The following IQGAP2 variants were observed in gnomAD, a reference collection of about 807,000 sequenced individuals.
IQGAP2 encodes IQ motif containing GTPase activating protein 2, also known as ras GTPase-activating-like protein IQGAP2.
A neutral mutation model predicts 201.3 loss-of-function variants in IQGAP2; 173 were observed. The ratio of observed to expected loss-of-function variants is 0.86; its 90% CI spans 0.76 to 0.98. The LOEUF (loss-of-function observed/expected upper bound fraction) is 0.98, where lower values mean the gene tolerates loss of function less well. Among genes scored for constraint, IQGAP2 ranks in the 50% least tolerant of loss-of-function variants. The probability of loss-of-function intolerance (pLI) is 0.00; values close to 1 mark genes in which losing one functional copy is unlikely to be tolerated. For missense variants in IQGAP2, 1,687 were observed against 1,864.8 expected (o/e 0.90, Z 1.76); for synonymous variants, 675 against 673.9 (o/e 1.00, Z -0.03).
At chr5:76,671,668 A>G (rs1007765773) in intron 23 of IQGAP2, 91 bp from the exon 24 acceptor site, 2 of 900,772 alleles carry the variant, frequency 2.2e-6, no homozygotes, top group African/African-American at 1.7e-5. Context: ...AGCCTGGGTG[A>G]CAGAGCAAGA....
intron 28 of IQGAP2, among the ~76,000 whole-genome samples, chr5:76,678,509 G>C (rs1330451187): frequency 6.6e-6 from 1 of 152,024 alleles, no homozygotes; most frequent in African/African-American, 2.4e-5. Context: ...AAAAATCTTG[G>C]TTTTTAAAAG....
chr5:76,418,843 G>A (rs778689174), intron 1 of IQGAP2, among the ~76,000 whole-genome samples: 1 of 152,150 alleles, frequency 6.6e-6, no homozygotes, highest in Non-Finnish European at 1.5e-5. Context: ...AGATAGTGTG[G>A]CTGGGGTCAC....
intron 31 of IQGAP2, among the ~76,000 whole-genome samples, chr5:76,694,679 G>C (rs1016688582): frequency 1.3e-5 from 2 of 152,182 alleles, no homozygotes; most frequent in Non-Finnish European, 2.9e-5. Flanking sequence ...TGCTAACCTG[G>C]TAATAATGTT....
intron 2 of IQGAP2, among the ~76,000 whole-genome samples, chr5:76,547,661 T>C (rs1743178300): frequency 1.3e-5 from 2 of 152,248 alleles, no homozygotes; most frequent in Non-Finnish European, 2.9e-5. Context: ...TGACTGTTGA[T>C]GTGCCAGGAA....
In IQGAP2 at chr5:76,637,075, A is replaced by G. The variant is rs1472165738; in HGVS notation, c.1822A>G (p.Lys608Glu). The G allele has an allele frequency of 6.2e-7, 1 of 1,612,042 alleles. No homozygotes were observed. ...ATGGCTCAAACTCAACCTGCACAAA[A>G]AATATGACTACTATTACAACACTGA... ...GSWLKLNLHK[K>E]YDYYYNTDSK... Residue 608 changes from lysine (K) to glutamate (E), a missense_variant, in exon 16 of 36, where the codon AAA becomes GAA. Transcript: ENST00000274364.
rs151074155 is a variant in IQGAP2 at position 76,425,276 on chromosome 5, A to G, written c.46+21685A>G. Among the ~76,000 whole-genome samples the G allele has an allele frequency of 1.4e-4, 22 of 152,288 alleles. No individual in the cohort carries two copies. The East Asian group carries it at 4.2e-3, about 29-fold the overall frequency. Reference sequence around the variant, plus strand: ...TAACACTGGTGACCACTATTCTGGGAGACAGATTCTTCATTAAAATTTTAT... The same window carrying G: ...TAACACTGGTGACCACTATTCTGGGGGACAGATTCTTCATTAAAATTTTAT... On this transcript the variant is annotated intron_variant, in intron 1 of 35. Transcript: ENST00000274364.
intron 1 of IQGAP2, among the ~76,000 whole-genome samples, chr5:76,424,951 GC>G (rs2150084491): frequency 6.6e-6 from 1 of 152,334 alleles, no homozygotes; most frequent in South Asian, 2.1e-4. Context: ...CCCAGGCCTG[GC>G]CTTAATGCAT....
At chr5:76,673,643 A>G in intron 25 of IQGAP2, 54 bp downstream of exon 25, 2 of 1,580,372 alleles carry the variant, frequency 1.3e-6, no homozygotes, top group Non-Finnish European at 1.7e-6. Context: ...TTCTTGGAAT[A>G]CGATGTAAAA....
intron 16 of IQGAP2, among the ~76,000 whole-genome samples, chr5:76,637,401 A>C (rs1751234292): frequency 6.6e-6 from 1 of 152,198 alleles, no homozygotes; most frequent in Non-Finnish European, 1.5e-5. Flanking sequence ...AGGGGGAAGA[A>C]ATATTTCACT....
At chr5:76,618,079 C>CATAG in intron 13 of IQGAP2, 2 of 1,614,120 alleles carry the variant, frequency 1.2e-6, no homozygotes, top group East Asian at 4.5e-5. Context: ...GTTACCAAGG[C>CATAG]ATAGGTGTGC....
Position 76,617,834 on chromosome 5 carries a change from TG to T in IQGAP2, c.1521+6652del, listed in dbSNP as rs750666492. 4 of 1,613,848 alleles carry T rather than the reference TG, an allele frequency of 2.5e-6. No individual in the cohort carries two copies. The African/African-American group carries it at 5.3e-5, about 22-fold the overall frequency. On this transcript the variant is annotated intron_variant, in intron 13 of 35. Coordinates refer to ENST00000274364, the MANE Select transcript of IQGAP2 (RefSeq NM_006633.5). ...CATACCACAACCATCTATGATCGTA[TG>T]CATTAAGTGTCCGGATGATGGCTGC...
At chr5:76,619,698 T>G (rs769494910) in intron 13 of IQGAP2, among the ~76,000 whole-genome samples, 4 of 151,932 alleles carry the variant, frequency 2.6e-5, no homozygotes, top group Non-Finnish European at 5.9e-5. Flanking sequence ...TTGTATTTTT[T>G]TAGTAGAGAC....
rs576787556 is a variant in IQGAP2, at chr5:76,551,725, G to A, written c.147-10671G>A. 1.6e-4 allele frequency among the ~76,000 whole-genome samples: 24 copies of A among 152,142 alleles called. No individual in the cohort carries two copies. In the East Asian group the frequency reaches 2.9e-3, roughly 18 times the overall value. ...AAAAACCAGTCAGGCGTGGCTGCGC[G>A]TGCCTGCAATCCCAGGCACTCTGCA... On this transcript the variant is annotated intron_variant, in intron 2 of 35. Coordinates refer to ENST00000274364, the MANE Select transcript of IQGAP2 (RefSeq NM_006633.5).
intron 2 of IQGAP2, among the ~76,000 whole-genome samples, chr5:76,550,085 T>C (rs1743346283): frequency 6.6e-6 from 1 of 152,178 alleles, no homozygotes; most frequent in African/African-American, 2.4e-5. Flanking sequence ...CTCAAGTATA[T>C]GATTCATCTT....
intron 2 of IQGAP2, among the ~76,000 whole-genome samples, chr5:76,542,324 T>G (rs1580415659): frequency 6.6e-6 from 1 of 152,170 alleles, no homozygotes; most frequent in East Asian, 1.9e-4. Context: ...ATCTGAATCT[T>G]CCACTTTTCA....
At chr5:76,437,365 A>C (rs1427692062) in intron 1 of IQGAP2, among the ~76,000 whole-genome samples, 1 of 152,114 alleles carries the variant, frequency 6.6e-6, no homozygotes, top group Non-Finnish European at 1.5e-5. Context: ...TCTTTTTAAA[A>C]AATTTTTATT....
At position 76,606,286 on chromosome 5, in the gene IQGAP2, T is replaced by C. The variant is rs1260582882; in HGVS notation, c.1340T>C (p.Ile447Thr). ...TGTATTGATATGGTTAATGCTCAAA[T>C]TCAAGAAGAAAATGACCGTAAGTAT... ...QNCIDMVNAQIQEENDRVVAV... is the reference protein window; with the variant it reads ...QNCIDMVNAQTQEENDRVVAV... The change falls in exon 12 of 36, where the codon ATT becomes ACT. Residue 447 changes from isoleucine (I) to threonine (T), a missense_variant. Physicochemically the swap from Ile to Thr is moderately conservative, Grantham distance 89. Coordinates refer to ENST00000274364, the MANE Select transcript of IQGAP2 (RefSeq NM_006633.5). 2 of 1,599,114 alleles carry C rather than the reference T, an allele frequency of 1.3e-6. No homozygotes were observed. The highest frequency in any genetic ancestry group is 1.7e-6 in the Non-Finnish European group (2 of 1,173,168).
intron 1 of IQGAP2, among the ~76,000 whole-genome samples, chr5:76,434,433 A>G (rs938992717): frequency 6.6e-6 from 1 of 152,140 alleles, no homozygotes; most frequent in Non-Finnish European, 1.5e-5. Context: ...TATAAGTGAG[A>G]ATGTAACGGT....
chr5:76,527,405 G>A (rs1325329850), intron 2 of IQGAP2, among the ~76,000 whole-genome samples: 3 of 152,172 alleles, frequency 2.0e-5, no homozygotes, highest in African/African-American at 7.2e-5. Context: ...CATTAGCCCT[G>A]CACTTCTGAG....
Sources: gnomAD v4.1 joint callset for allele counts (sites outside exome capture counted in the v4.1 genomes callset) on GRCh38, gnomAD v4.1.1 for gene constraint, MANE v1.5 for transcripts, NCBI Gene and HGNC (gene_info 2026-07-23, HGNC 2026-07-21) for gene names.